AGBL3: variants seen among roughly 807,000 people sequenced by gnomAD.
AGBL3 encodes cytosolic carboxypeptidase 3.
In AGBL3, 68 loss-of-function variants were observed where a neutral mutation model predicts 94.5. The observed-to-expected ratio is 0.72, with a 90% CI of 0.59 to 0.88. The LOEUF (loss-of-function observed/expected upper bound fraction) is 0.88. AGBL3 is among the 40% of genes least tolerant of loss of function. The probability of loss-of-function intolerance (pLI) is 0.00; values close to 1 mark genes in which losing one functional copy is unlikely to be tolerated. For synonymous variants in AGBL3, 354 were observed against 370.7 expected (o/e 0.95, Z 0.52); for missense variants, 934 against 1,103.8 (o/e 0.85, Z 2.18).
chr7:135,084,604 C>T (rs974509378), intron 15 of AGBL3, among the ~76,000 whole-genome samples: 5 of 152,146 alleles, frequency 3.3e-5, no homozygotes, highest in Non-Finnish European at 5.9e-5. Flanking sequence ...ATTTATCTTC[C>T]TGTGGCTGGC....
chr7:135,129,092 T>C, intron 16 of AGBL3: 15 of 1,595,792 alleles, frequency 9.4e-6, no homozygotes. Context: ...CAGTGGCCAC[T>C]ACTGGTCAGG....
At chr7:135,048,631 A>G (rs1448067209) in intron 11 of AGBL3, among the ~76,000 whole-genome samples, 1 of 151,858 alleles carries the variant, frequency 6.6e-6, no homozygotes, top group Admixed American at 6.6e-5. Flanking sequence ...AAAATGGGAT[A>G]TTGTAAAAGG....
chr7:135,001,926 C>T (rs921035848), intron 4 of AGBL3, among the ~76,000 whole-genome samples: 1 of 152,214 alleles, frequency 6.6e-6, no homozygotes, highest in African/African-American at 2.4e-5. Flanking sequence ...TTAGATTTAT[C>T]ATTTCTAAAT....
At chr7:135,072,932 T>C in intron 12 of AGBL3, among the ~76,000 whole-genome samples, 1 of 151,748 alleles carries the variant, frequency 6.6e-6, no homozygotes, top group East Asian at 1.9e-4. Flanking sequence ...AAAATAAAAA[T>C]AAAATTAAAA....
intron 13 of AGBL3, 125 bp downstream of exon 13, chr7:135,076,593 T>C (rs945477042): frequency 3.0e-6 from 2 of 673,594 alleles, no homozygotes; most frequent in Non-Finnish European, 5.1e-6. Context: ...TTTGTTCATA[T>C]TATCTACTGT....
intron 9 of AGBL3, among the ~76,000 whole-genome samples, chr7:135,045,084 G>A (rs1817229767): frequency 6.6e-6 from 1 of 151,808 alleles, no homozygotes; most frequent in African/African-American, 2.4e-5. Flanking sequence ...TGGTGTATAT[G>A]TGCCACATTT....
At chr7:135,105,786 G>A (rs1824615864) in intron 15 of AGBL3, among the ~76,000 whole-genome samples, 1 of 152,080 alleles carries the variant, frequency 6.6e-6, no homozygotes, top group Non-Finnish European at 1.5e-5. Context: ...AATGTCATTG[G>A]TAGTTTGATA....
intron 14 of AGBL3, among the ~76,000 whole-genome samples, chr7:135,080,744 G>GTTTTTTTTTTTTTTTTTTTTTT (rs11409204): frequency 7.3e-6 from 1 of 136,958 alleles, no homozygotes; most frequent in Non-Finnish European, 1.6e-5. Context: ...TAGCATCTCT[G>GTTTTTTTTTTTTTTTTTTTTTT]TTTTTTTTTT....
chr7:134,995,616 T>C (rs1365718467), intron 4 of AGBL3: 1 of 152,196 alleles, frequency 6.6e-6, no homozygotes, highest in Non-Finnish European at 1.5e-5. Flanking sequence ...TGGCTAGAGT[T>C]TGTGGTGCCT....
intron 5 of AGBL3, 137 bp downstream of exon 5, chr7:135,017,296 T>C (rs1813912834): frequency 7.5e-6 from 5 of 664,000 alleles, no homozygotes; most frequent in Non-Finnish European, 1.3e-5. Context: ...TGTTTATATA[T>C]TGATCCAAGT....
At chr7:135,043,724 CAAAAATT>C (rs922180617) in intron 8 of AGBL3, among the ~76,000 whole-genome samples, 19 of 151,496 alleles carry the variant, frequency 1.3e-4, no homozygotes, top group African/African-American at 4.1e-4. Flanking sequence ...TATGTACCCA[CAAAAATT>C]AAAAATTAAA....
At chr7:135,128,958 G>A in intron 16 of AGBL3, 1 of 1,578,208 alleles carries the variant, frequency 6.3e-7, no homozygotes, top group Non-Finnish European at 8.7e-7. Flanking sequence ...GCTGGGTAGT[G>A]AATGCATGTA....
intron 3 of AGBL3, among the ~76,000 whole-genome samples, chr7:134,990,499 C>T (rs1049281273): frequency 3.3e-5 from 5 of 152,188 alleles, no homozygotes; most frequent in African/African-American, 1.2e-4. Flanking sequence ...GCCATCCATT[C>T]ATGCTCATTT....
intron 2 of AGBL3, 120 bp downstream of exon 2, chr7:134,988,116 T>C: frequency 1.3e-6 from 1 of 793,728 alleles, no homozygotes. Context: ...ATTATTGTCA[T>C]TGAAGTTGGG....
Position 135,107,231 on chromosome 7 carries a change from T to G in AGBL3, c.2111-8149T>G, listed in dbSNP as rs921370913. On this transcript the variant is annotated intron_variant, in intron 15 of 16. Coordinates refer to ENST00000436302, the MANE Select transcript of AGBL3 (RefSeq NM_178563.4). The stretch of plus-strand genomic sequence containing the variant: ...AGTCTCCTCCACTTCAGCTCTGACT[T>G]GGGTTGTTTCATGTCTTCTGCCAGC... Among the ~76,000 whole-genome samples the G allele has an allele frequency of 2.6e-5, 4 of 152,278 alleles. No homozygotes were observed. In the South Asian group the frequency reaches 8.3e-4, roughly 32 times the overall value.
chr7:135,029,265 G>T (rs1815474536), intron 5 of AGBL3, among the ~76,000 whole-genome samples: 1 of 152,208 alleles, frequency 6.6e-6, no homozygotes, highest in African/African-American at 2.4e-5. Context: ...GAAAGTCCTA[G>T]ATGTCATCTT....
rs1822814229 is a variant in AGBL3, at chr7:135,096,584, C to CATAGATAGATACATAGATAG, written c.2110+14805_2110+14806insCATAGATAGATAGATAGATA. Among the ~76,000 whole-genome samples the CATAGATAGATACATAGATAG allele has an allele frequency of 1.9e-4, 17 of 88,860 alleles. 1 individual carries two copies. Among genetic ancestry groups the CATAGATAGATACATAGATAG allele is most frequent in the Admixed American group, 1.5e-3 (13 of 8,532 alleles). 58.3% of individuals were successfully genotyped at this position (88,860 alleles called of 152,430 possible). On this transcript the variant is annotated intron_variant, in intron 15 of 16. Transcript: ENST00000436302. ...AGATAGATAGATAGATAGATAGATA[C>CATAGATAGATACATAGATAG]ATAGATAGATAGATAGATAGATAGA...
intron 15 of AGBL3, among the ~76,000 whole-genome samples, chr7:135,110,916 C>T (rs1260845231): frequency 6.6e-6 from 1 of 152,108 alleles, no homozygotes; most frequent in African/African-American, 2.4e-5. Flanking sequence ...ATTACAGAGC[C>T]CTGCTGGAGA....
At chr7:135,082,496 T>C (rs1396176323) in intron 15 of AGBL3, among the ~76,000 whole-genome samples, 2 of 137,428 alleles carry the variant, frequency 1.5e-5, no homozygotes, top group Non-Finnish European at 3.5e-5. Context: ...TGTTGTCTAA[T>C]GAGTGCAAAA....
Sources: gnomAD v4.1 joint callset for allele counts (sites outside exome capture counted in the v4.1 genomes callset) on GRCh38, gnomAD v4.1.1 for gene constraint, MANE v1.5 for transcripts, NCBI Gene and HGNC (gene_info 2026-07-23, HGNC 2026-07-21) for gene names.